The following UGT2B7 variants were observed in gnomAD, a reference collection of about 807,000 sequenced individuals.
The protein encoded by UGT2B7 is UDP-glucuronosyltransferase 2B7.
UGT2B7 carries 51 observed loss-of-function variants against 51.9 expected under a neutral mutation model. The ratio of observed to expected loss-of-function variants is 0.98; its 90% confidence interval spans 0.78 to 1.24. The LOEUF is 1.24. Among genes scored for constraint, UGT2B7 ranks in the 50% most tolerant of loss-of-function variants. UGT2B7 has a pLI of 0.00. For synonymous variants in UGT2B7, 225 were observed against 211.6 expected, an observed-to-expected ratio of 1.06 and a Z score of -0.55; for missense variants, 727 against 628.4, an observed-to-expected ratio of 1.16 and a Z score of -1.68.
intron 1 of UGT2B7, among the ~76,000 whole-genome samples, chr4:69,058,445 C>A (rs899597035): frequency 7.2e-5 from 11 of 152,158 alleles, no homozygotes; most frequent in Admixed American, 2.6e-4. Context: ...CAAGAGGACC[C>A]CGACTAGGAC....
intron 1 of UGT2B7, among the ~76,000 whole-genome samples, chr4:69,089,167 T>C (rs1316328243): frequency 6.6e-6 from 1 of 152,196 alleles, no homozygotes; most frequent in Non-Finnish European, 1.5e-5. Context: ...AATACTTTTA[T>C]GAGTTTGCAA....
At chr4:69,071,069 T>C (rs1437445829) in intron 1 of UGT2B7, among the ~76,000 whole-genome samples, 1 of 151,934 alleles carries the variant, frequency 6.6e-6, no homozygotes, top group Admixed American at 6.6e-5. Context: ...TGAGTTACTA[T>C]TTTTGCTTTA....
At chr4:69,105,943 A>G (rs924372093) in intron 3 of UGT2B7, among the ~76,000 whole-genome samples, 16 of 152,162 alleles carry the variant, frequency 1.1e-4, no homozygotes, top group African/African-American at 3.4e-4. Flanking sequence ...TTAAAATTAA[A>G]TTTGGAAAAT....
chr4:69,059,998 A>T (rs1313791186), intron 1 of UGT2B7, among the ~76,000 whole-genome samples: 1 of 152,204 alleles, frequency 6.6e-6, no homozygotes, highest in Non-Finnish European at 1.5e-5. Flanking sequence ...AAATCACAGT[A>T]CACTTGGACA....
intron 1 of UGT2B7, among the ~76,000 whole-genome samples, chr4:69,060,810 G>A (rs949328347): frequency 3.3e-5 from 5 of 152,248 alleles, no homozygotes; most frequent in South Asian, 2.1e-4. Context: ...ATTGGTTTTC[G>A]AATCCGAGAA....
Position 69,112,907 on chromosome 4 carries a change from T to A in UGT2B7, c.*171T>A. The A allele has an allele frequency of 9.9e-7, 1 of 1,012,138 alleles. No homozygotes were observed. Among genetic ancestry groups the A allele is most frequent in the Non-Finnish European group, 1.4e-6 (1 of 736,706 alleles). 62.7% of individuals were successfully genotyped at this position (1,012,138 alleles called of 1,614,324 possible). ...AAATAAAAATTTGTTTTTCAGAGAT[T>A]TACCACCCAGTTCATGGTTAGAAAT... On this transcript the variant is annotated 3_prime_UTR_variant, in exon 6 of 6. Transcript: ENST00000305231.
At chr4:69,082,779 G>A (rs1423122360) in intron 1 of UGT2B7, among the ~76,000 whole-genome samples, 1 of 152,082 alleles carries the variant, frequency 6.6e-6, no homozygotes, top group Non-Finnish European at 1.5e-5. Flanking sequence ...CATTGATGAT[G>A]GTGATTACAC....
At chr4:69,102,750 T>G (rs576652840) in intron 2 of UGT2B7, 57 bp from the exon 3 acceptor site, 1 of 1,575,194 alleles carries the variant, frequency 6.3e-7, no homozygotes, top group South Asian at 1.2e-5. Context: ...CCAATTCTTT[T>G]GGTAGTGCCC....
chr4:69,055,747 TC>T (rs1291195496), intron 1 of UGT2B7, among the ~76,000 whole-genome samples: 2 of 152,120 alleles, frequency 1.3e-5, no homozygotes, highest in African/African-American at 4.8e-5. Context: ...CCTGATGAAT[TC>T]CCAGACCAAA....
intron 3 of UGT2B7, 76 bp downstream of exon 3, chr4:69,103,014 A>G (rs1719473572): frequency 6.4e-7 from 1 of 1,555,676 alleles, no homozygotes; most frequent in African/African-American, 1.4e-5. Context: ...CAATTATAGA[A>G]ACTTCTGATA....
At chr4:69,079,811 C>T (rs974438227) in intron 1 of UGT2B7, among the ~76,000 whole-genome samples, 22 of 151,910 alleles carry the variant, frequency 1.4e-4, no homozygotes, top group African/African-American at 2.2e-4. Context: ...AATCTTAAAA[C>T]CTGACTTTGG....
chr4:69,082,582 C>T (rs1414921666), intron 1 of UGT2B7, among the ~76,000 whole-genome samples: 3 of 151,954 alleles, frequency 2.0e-5, no homozygotes, highest in African/African-American at 7.2e-5. Flanking sequence ...AAGACCCTAC[C>T]TCTTTTTAAT....
In UGT2B7 at chr4:69,108,326, A is replaced by G. The variant is rs754799236; in HGVS notation, c.1310+4A>G. 7.4e-6 allele frequency: 12 copies of G among 1,613,038 alleles called. No homozygotes were observed. Among genetic ancestry groups the G allele is most frequent in the Admixed American group, 5.0e-5 (3 of 59,978 alleles). Reference sequence around the variant, plus strand: ...AGAGAGTAATTAATGATCCTTCGTGAGTAGAACAATATTTTTCACTAGGTG... The same window carrying G: ...AGAGAGTAATTAATGATCCTTCGTGGGTAGAACAATATTTTTCACTAGGTG... On this transcript the variant is annotated splice_donor_region_variant and intron_variant, in intron 5 of 5. Transcript: ENST00000305231.
upstream of UGT2B7, among the ~76,000 whole-genome samples, chr4:69,096,157 T>C (rs945446782): frequency 2.2e-4 from 34 of 152,236 alleles, 1 homozygote; most frequent in African/African-American, 7.2e-4. Flanking sequence ...TTTAGTCATT[T>C]AATCTTTAGT....
At chr4:69,090,889 T>C (rs891334167) in intron 2 of UGT2B7, among the ~76,000 whole-genome samples, 2 of 152,206 alleles carry the variant, frequency 1.3e-5, no homozygotes, top group Admixed American at 6.6e-5. Flanking sequence ...ATTTTGGTCA[T>C]GTATTAAAAT....
chr4:69,073,018 C>T (rs920717941), intron 1 of UGT2B7, among the ~76,000 whole-genome samples: 1 of 152,090 alleles, frequency 6.6e-6, no homozygotes, highest in Admixed American at 6.6e-5. Context: ...TTAGAGTTGG[C>T]CCACTGGGTT....
chr4:69,098,519 T>A, intron 1 of UGT2B7, 21 bp from the exon 2 acceptor site: 1 of 1,585,602 alleles, frequency 6.3e-7, no homozygotes, highest in Non-Finnish European at 8.5e-7. Flanking sequence ...CATCCACCTT[T>A]TTTTTTTCTA....
chr4:69,071,285 G>C (rs923580436), intron 1 of UGT2B7, among the ~76,000 whole-genome samples: 1 of 151,912 alleles, frequency 6.6e-6, no homozygotes, highest in African/African-American at 2.4e-5. Context: ...TTAATATCTG[G>C]AATACTGAGG....
intron 4 of UGT2B7, among the ~76,000 whole-genome samples, chr4:69,107,697 G>A (rs1426487963): frequency 2.0e-5 from 3 of 152,050 alleles, no homozygotes; most frequent in African/African-American, 7.2e-5. Flanking sequence ...TACATTTCAC[G>A]ATGAAGTGTG....
Sources: gnomAD v4.1 joint callset for allele counts (sites outside exome capture counted in the v4.1 genomes callset) on GRCh38, gnomAD v4.1.1 for gene constraint, MANE v1.5 for transcripts, NCBI Gene and HGNC (gene_info 2026-07-23, HGNC 2026-07-21) for gene names.